The following LRP1B variants were observed in gnomAD, a reference collection of about 807,000 sequenced individuals.
The protein encoded by LRP1B is LDL receptor related protein 1B.
A neutral mutation model predicts 556.6 loss-of-function variants in LRP1B; 217 were observed. The ratio of observed to expected loss-of-function variants is 0.39; its 90% CI spans 0.35 to 0.44. The LOEUF (loss-of-function observed/expected upper bound fraction) is 0.44. LRP1B is among the 20% of genes least tolerant of loss of function. The pLI is 1.00. For missense variants in LRP1B, 5,053 were observed against 5,620.8 expected (o/e 0.90, Z 3.23); for synonymous variants, 2,047 against 1,865.8 (o/e 1.10, Z -2.50).
Position 140,923,163 on chromosome 2 carries a change from G to A in LRP1B, c.3137-16C>T, listed in dbSNP as rs1161695534. The A allele has an allele frequency of 3.7e-6, 6 of 1,601,158 alleles. No individual in the cohort carries two copies. The highest frequency in any genetic ancestry group is 5.1e-6 in the Non-Finnish European group (6 of 1,171,258). On this transcript the variant is annotated splice_polypyrimidine_tract_variant and intron_variant, in intron 20 of 90. Coordinates refer to ENST00000389484, the MANE Select transcript of LRP1B (RefSeq NM_018557.3). ...GAATGAATCTCTTAATTTGAAATGAGGAAGAGAGAAGCAGAGGGGGGCAAG... is the reference window on the plus strand; with the variant it reads ...GAATGAATCTCTTAATTTGAAATGAAGAAGAGAGAAGCAGAGGGGGGCAAG...
intron 3 of LRP1B, among the ~76,000 whole-genome samples, chr2:141,299,955 T>TTAGG (rs1686324609): frequency 6.6e-6 from 1 of 152,218 alleles, no homozygotes; most frequent in South Asian, 2.1e-4. Context: ...TATGATGGCA[T>TTAGG]TAGGACATGA....
At chr2:141,506,700 C>T (rs1683945430) in intron 2 of LRP1B, among the ~76,000 whole-genome samples, 1 of 151,850 alleles carries the variant, frequency 6.6e-6, no homozygotes, top group African/African-American at 2.4e-5. Context: ...ATGTTATACA[C>T]TATACAAATT....
chr2:140,594,334 T>C (rs1265438981), intron 43 of LRP1B, among the ~76,000 whole-genome samples: 1 of 151,582 alleles, frequency 6.6e-6, no homozygotes, highest in East Asian at 1.9e-4. Context: ...CAAAGCTACA[T>C]GCTGTTTTCC....
rs1686360936 is a variant in LRP1B, at chr2:141,300,722, C to T, written c.344-46081G>A. Among the ~76,000 whole-genome samples the T allele has an allele frequency of 2.6e-5, 4 of 152,298 alleles. No homozygotes were observed. The South Asian group carries it at 8.3e-4, about 32-fold the overall frequency. On this transcript the variant is annotated intron_variant, in intron 3 of 90. Coordinates refer to ENST00000389484, the MANE Select transcript of LRP1B (RefSeq NM_018557.3). ...GGCTGTGTAGGACGTGCATGCTTCA[C>T]CTTTGCTTCCACCATGATTGTGAGT... is the stretch of plus-strand genomic sequence containing the variant.
chr2:141,240,856 C>CT (rs1683842362), intron 5 of LRP1B, among the ~76,000 whole-genome samples: 1 of 151,956 alleles, frequency 6.6e-6, no homozygotes, highest in South Asian at 2.1e-4. Flanking sequence ...GGAAGACATG[C>CT]TTTTTTTCCA....
At chr2:141,627,424 G>T (rs1411939681) in intron 2 of LRP1B, among the ~76,000 whole-genome samples, 1 of 152,164 alleles carries the variant, frequency 6.6e-6, no homozygotes, top group African/African-American at 2.4e-5. Flanking sequence ...CCAGCCCCCT[G>T]GCAGTAGACT....
chr2:141,672,728 A>G (rs1690721078), intron 2 of LRP1B, among the ~76,000 whole-genome samples: 2 of 152,218 alleles, frequency 1.3e-5, no homozygotes, highest in Admixed American at 1.3e-4. Context: ...GTGAAAGTAA[A>G]TTAAATCGCA....
At chr2:141,746,567 C>T (rs975633002) in intron 2 of LRP1B, among the ~76,000 whole-genome samples, 2 of 152,012 alleles carry the variant, frequency 1.3e-5, no homozygotes, top group African/African-American at 4.8e-5. Flanking sequence ...CTTTTCTAAC[C>T]TCTTCAGTGC....
intron 31 of LRP1B, among the ~76,000 whole-genome samples, chr2:140,832,270 T>G (rs1242565566): frequency 6.6e-6 from 1 of 152,138 alleles, no homozygotes; most frequent in Non-Finnish European, 1.5e-5. Context: ...TATGTGTGGA[T>G]TTTGGTATAT....
chr2:141,567,317 G>A (rs939736935), intron 2 of LRP1B, among the ~76,000 whole-genome samples: 1 of 151,980 alleles, frequency 6.6e-6, no homozygotes, highest in African/African-American at 2.4e-5. Context: ...ATATAAAATT[G>A]TTAAGGAAAG....
intron 6 of LRP1B, among the ~76,000 whole-genome samples, chr2:141,203,623 G>A (rs575800808): frequency 6.6e-6 from 1 of 152,066 alleles, no homozygotes; most frequent in African/African-American, 2.4e-5. Flanking sequence ...ATGTTAGATT[G>A]AGACAGAAAA....
At chr2:140,410,186 T>C (rs1684912491) in intron 66 of LRP1B, among the ~76,000 whole-genome samples, 1 of 152,090 alleles carries the variant, frequency 6.6e-6, no homozygotes, top group Non-Finnish European at 1.5e-5. Flanking sequence ...AAAAAAATTA[T>C]AGAATGTTAG....
At chr2:140,993,027 C>A (rs922189792) in intron 16 of LRP1B, among the ~76,000 whole-genome samples, 1 of 151,782 alleles carries the variant, frequency 6.6e-6, no homozygotes, top group African/African-American at 2.4e-5. Flanking sequence ...AGATTTTTGT[C>A]CTGAAGCATC....
In LRP1B at chr2:140,613,352, A is replaced by ATTATATACATATAAATATAT. The variant is rs1559005748; in HGVS notation, c.6800-11714_6800-11713insATATATTTATATGTATATAA. 7.9e-5 allele frequency among the ~76,000 whole-genome samples: 7 copies of ATTATATACATATAAATATAT among 88,852 alleles called. 1 individual carries two copies. Among genetic ancestry groups the ATTATATACATATAAATATAT allele is most frequent in the Non-Finnish European group, 1.5e-4 (6 of 39,184 alleles). 58.3% of individuals were successfully genotyped at this position (88,852 alleles called of 152,430 possible). ...ATATAATTATATACATATAAATATAAATAATTATATAAATATAAATATATA... is the reference window on the plus strand; with the variant it reads ...ATATAATTATATACATATAAATATAATTATATACATATAAATATATATAATTATATAAATATAAATATATA... On this transcript the variant is annotated intron_variant, in intron 41 of 90. Coordinates refer to ENST00000389484, the MANE Select transcript of LRP1B (RefSeq NM_018557.3).
chr2:141,250,126 T>C (rs1178919394), intron 4 of LRP1B, among the ~76,000 whole-genome samples: 1 of 152,228 alleles, frequency 6.6e-6, no homozygotes, highest in Non-Finnish European at 1.5e-5. Flanking sequence ...AATATATCTT[T>C]GGCCTTTGTT....
At chr2:140,929,485 C>G (rs977888155) in intron 20 of LRP1B, among the ~76,000 whole-genome samples, 1 of 151,932 alleles carries the variant, frequency 6.6e-6, no homozygotes, top group Non-Finnish European at 1.5e-5. Context: ...AAAGAGAAAG[C>G]TAGGTTGGTG....
At chr2:140,605,506 G>C (rs1048557111) in intron 41 of LRP1B, among the ~76,000 whole-genome samples, 1 of 151,754 alleles carries the variant, frequency 6.6e-6, no homozygotes, top group Non-Finnish European at 1.5e-5. Flanking sequence ...TAAAAGTTCT[G>C]TTTCTTTTAT....
chr2:141,711,303 G>C (rs1037957909), intron 2 of LRP1B, among the ~76,000 whole-genome samples: 19 of 152,168 alleles, frequency 1.2e-4, no homozygotes, highest in Non-Finnish European at 2.6e-4. Context: ...GGGAATATTG[G>C]AATTCGAACC....
At chr2:141,799,673 C>A (rs979259063) in intron 2 of LRP1B, among the ~76,000 whole-genome samples, 4 of 152,000 alleles carry the variant, frequency 2.6e-5, no homozygotes, top group Admixed American at 2.6e-4. Flanking sequence ...ACTTCCGAAC[C>A]ACAAAACTGA....
Sources: gnomAD v4.1 joint callset for allele counts (sites outside exome capture counted in the v4.1 genomes callset) on GRCh38, gnomAD v4.1.1 for gene constraint, MANE v1.5 for transcripts, NCBI Gene and HGNC (gene_info 2026-07-23, HGNC 2026-07-21) for gene names.